PTGIS: variants seen among roughly 807,000 people sequenced by gnomAD.
The protein encoded by PTGIS is prostaglandin I2 synthase.
A neutral mutation model predicts 50.3 loss-of-function variants in PTGIS; 45 were observed. That is an observed-to-expected ratio of 0.90 (90% CI 0.70 to 1.15). The LOEUF is 1.15. PTGIS is among the 50% of genes most tolerant of loss of function. The pLI is 0.00. For synonymous variants in PTGIS, 260 were observed against 267.7 expected, an observed-to-expected ratio of 0.97 and a Z score of 0.28; for missense variants, 668 against 661.3, an observed-to-expected ratio of 1.01 and a Z score of -0.11.
chr20:49,512,356 G>A (rs1294142797), intron 8 of PTGIS, among the ~76,000 whole-genome samples: 1 of 151,814 alleles, frequency 6.6e-6, no homozygotes, highest in Non-Finnish European at 1.5e-5. Flanking sequence ...TGGATGGGTG[G>A]CTGGATGGAT....
intron 6 of PTGIS, among the ~76,000 whole-genome samples, chr20:49,518,651 G>T (rs554114069): frequency 1.5e-5 from 2 of 132,922 alleles, no homozygotes; most frequent in East Asian, 3.9e-4. Flanking sequence ...TAAAACTACT[G>T]AAGACAAAAA....
At chr20:49,567,939 G>C in intron 1 of PTGIS, 104 bp downstream of exon 1, 2 of 1,116,052 alleles carry the variant, frequency 1.8e-6, no homozygotes, top group Non-Finnish European at 2.4e-6. Context: ...ATACTGGAGC[G>C]GGACTCGGGC....
intron 5 of PTGIS, among the ~76,000 whole-genome samples, chr20:49,527,289 CA>C (rs36033143): frequency 0.17 from 18,580 of 111,126 alleles, 1,631 homozygotes; most frequent in African/African-American, 0.29. Context: ...TACTAAAATA[CA>C]AAAAAAAAAA....
At chr20:49,523,408 T>C (rs1433530300) in intron 6 of PTGIS, among the ~76,000 whole-genome samples, 1 of 151,836 alleles carries the variant, frequency 6.6e-6, no homozygotes, top group African/African-American at 2.4e-5. Context: ...GGAATCAAGG[T>C]GAGGCATATA....
chr20:49,538,238 G>C (rs1246035122), intron 5 of PTGIS, among the ~76,000 whole-genome samples: 1 of 123,736 alleles, frequency 8.1e-6, no homozygotes, highest in Admixed American at 9.7e-5. Context: ...CTGGGTGACA[G>C]AGTGAGACCC....
At position 49,568,052 on chromosome 20, in the gene PTGIS, C is replaced by A; in HGVS notation, c.65G>T (p.Arg22Leu). The change falls in exon 1 of 10, where the codon CGC (arginine) becomes CTC (leucine). Residue 22 changes from arginine (R) to leucine (L), a missense_variant. Arg to Leu is a moderately radical substitution (Grantham distance 102). Coordinates refer to ENST00000244043, the MANE Select transcript of PTGIS (RefSeq NM_000961.4). ...GGAGCAGGACACTCACCGCGTGCGG[C>A]GGCGGCTCAGTAGCAGCAGCAGCAA... ...ALLLLLLLSR[R>L]RTRRPGEPPL... 2.0e-6 allele frequency: 3 copies of A among 1,482,538 alleles called. No individual in the cohort carries two copies. The highest frequency in any genetic ancestry group is 2.7e-6 in the Non-Finnish European group (3 of 1,123,416). The allele number at this position is 1,482,538 out of a possible 1,614,324, so 91.8% of individuals were successfully genotyped here. A position where few individuals can be genotyped will look rare whatever the true frequency, so the allele number is the denominator to read the frequency against.
chr20:49,547,241 T>C (rs1982382188), intron 3 of PTGIS, among the ~76,000 whole-genome samples: 1 of 151,958 alleles, frequency 6.6e-6, no homozygotes, highest in Non-Finnish European at 1.5e-5. Flanking sequence ...CAAAAATAAA[T>C]AAATAAAATA....
chr20:49,560,206 G>C (rs1054750902), intron 1 of PTGIS, among the ~76,000 whole-genome samples: 1 of 152,142 alleles, frequency 6.6e-6, no homozygotes, highest in African/African-American at 2.4e-5. Context: ...ACAGGCGTGA[G>C]CCACCATGCC....
At chr20:49,513,325 C>T (rs113829561) in intron 7 of PTGIS, 64 bp from the exon 8 acceptor site, 7 of 1,543,706 alleles carry the variant, frequency 4.5e-6, no homozygotes, top group African/African-American at 2.7e-5. Context: ...TATGCCAACC[C>T]CAGCTCTTAT....
At chr20:49,538,348 G>A (rs1347373816) in intron 5 of PTGIS, among the ~76,000 whole-genome samples, 1 of 148,358 alleles carries the variant, frequency 6.7e-6, no homozygotes, top group Non-Finnish European at 1.5e-5. Flanking sequence ...AGGATCGCTT[G>A]AGCCCAGGAG....
intron 1 of PTGIS, among the ~76,000 whole-genome samples, chr20:49,564,410 C>G (rs1159892131): frequency 6.6e-6 from 1 of 152,164 alleles, no homozygotes; most frequent in East Asian, 1.9e-4. Context: ...TGCCACCACG[C>G]CTGGCTAATT....
rs2122831601 is a variant in PTGIS, at chr20:49,507,826, C to G, written c.*94G>C. 1 of 1,556,006 alleles carries G rather than the reference C, an allele frequency of 6.4e-7. No individual in the cohort carries two copies. Among genetic ancestry groups the G allele is most frequent in the Non-Finnish European group, 8.7e-7 (1 of 1,147,086 alleles). On this transcript the variant is annotated 3_prime_UTR_variant, in exon 10 of 10. Coordinates refer to ENST00000244043, the MANE Select transcript of PTGIS (RefSeq NM_000961.4). ...GGAAGTGGTAATGCTAGCACCTGCA[C>G]CCGGGCCAACTGTGCACACAGAAAG...
rs778789046 is a variant in PTGIS, at chr20:49,544,370, A to G, written c.456T>C (p.Ala152=). 2.5e-6 allele frequency: 4 copies of G among 1,614,148 alleles called. No individual in the cohort carries two copies. The South Asian group carries it at 4.4e-5, about 18-fold the overall frequency. ...CGTGCCAGCCACTGCCTGCTTCTGTAGCATCGCCCAACAGCACTGCATGGA... is the reference window on the plus strand; with the variant it reads ...CGTGCCAGCCACTGCCTGCTTCTGTGGCATCGCCCAACAGCACTGCATGGA... The part of the protein sequence containing the change: ...TNLHAVLLGD[A]TEAGSGWHEM... The change falls in exon 4 of 10, where the codon GCT becomes GCC. Residue 152 remains alanine (A), a synonymous_variant. Transcript: ENST00000244043.
chr20:49,549,644 G>A (rs1982454004), intron 2 of PTGIS, among the ~76,000 whole-genome samples: 1 of 152,178 alleles, frequency 6.6e-6, no homozygotes. Flanking sequence ...ACTGATGGGT[G>A]AGTGGATAGA....
intron 1 of PTGIS, among the ~76,000 whole-genome samples, chr20:49,554,463 G>T (rs1425593731): frequency 6.6e-6 from 1 of 152,112 alleles, no homozygotes; most frequent in African/African-American, 2.4e-5. Flanking sequence ...TAGTTACAGG[G>T]CTTTGACTCC....
chr20:49,561,385 AGAG>A (rs1166376805), intron 1 of PTGIS, among the ~76,000 whole-genome samples: 2 of 152,212 alleles, frequency 1.3e-5, no homozygotes, highest in Non-Finnish European at 2.9e-5. Context: ...CTCTAGTCAA[AGAG>A]GAGACTTGCA....
At chr20:49,527,361 G>T (rs1981818392) in intron 5 of PTGIS, among the ~76,000 whole-genome samples, 1 of 152,204 alleles carries the variant, frequency 6.6e-6, no homozygotes, top group Admixed American at 6.5e-5. Context: ...GGAGGCTGAG[G>T]CACAAGAATA....
rs1747840588 is a variant in PTGIS at position 49,506,323 on chromosome 20, G to GCAT, written c.*1594_*1596dup. 1.3e-5 allele frequency: 2 copies of GCAT among 152,124 alleles called. No individual in the cohort carries two copies. Among genetic ancestry groups the GCAT allele is most frequent in the Middle Eastern group, 3.2e-3 (1 of 314 alleles). 9.4% of individuals were successfully genotyped at this position (152,124 alleles called of 1,614,324 possible). On this transcript the variant is annotated 3_prime_UTR_variant, in exon 10 of 10. Coordinates refer to ENST00000244043, the MANE Select transcript of PTGIS (RefSeq NM_000961.4). ...ACAGGACTTTATATTAATAAAAATA[G>GCAT]CATCATAAAAAAGGTTTGCAGGCCA...
At chr20:49,554,179 A>G (rs1454709393) in intron 1 of PTGIS, among the ~76,000 whole-genome samples, 1 of 152,138 alleles carries the variant, frequency 6.6e-6, no homozygotes, top group Non-Finnish European at 1.5e-5. Context: ...AAGGACTGAG[A>G]GAATAATTCT....
Sources: gnomAD v4.1 joint callset for allele counts (sites outside exome capture counted in the v4.1 genomes callset) on GRCh38, gnomAD v4.1.1 for gene constraint, MANE v1.5 for transcripts, NCBI Gene and HGNC (gene_info 2026-07-23, HGNC 2026-07-21) for gene names.